The following MAPK10 variants were observed in gnomAD, a reference collection of about 807,000 sequenced individuals.
MAPK10 encodes mitogen-activated protein kinase 10.
A neutral mutation model predicts 59.3 loss-of-function variants in MAPK10; 25 were observed. The ratio of observed to expected loss-of-function variants is 0.42; its 90% CI spans 0.31 to 0.59. MAPK10 has a LOEUF of 0.59. Among genes scored for constraint, MAPK10 ranks in the 20% least tolerant of loss-of-function variants. The pLI, the probability that MAPK10 is intolerant of heterozygous loss-of-function variation, is 0.15. For synonymous variants in MAPK10, 190 were observed against 200.5 expected, an observed-to-expected ratio of 0.95 and a Z score of 0.44; for missense variants, 351 against 568.9, an observed-to-expected ratio of 0.62 and a Z score of 3.90.
At chr4:86,472,886 G>A (rs1396527030) in intron 1 of MAPK10, among the ~76,000 whole-genome samples, 1 of 152,166 alleles carries the variant, frequency 6.6e-6, no homozygotes, top group Non-Finnish European at 1.5e-5. Context: ...ACCCCAGGGA[G>A]AGGGTATTTA....
intron 3 of MAPK10, among the ~76,000 whole-genome samples, chr4:86,162,876 TG>T (rs1341481239): frequency 1.3e-5 from 2 of 152,218 alleles, no homozygotes; most frequent in East Asian, 3.9e-4. Context: ...CTCAACCACC[TG>T]GGGATGCACA....
chr4:86,169,322 T>A, intron 3 of MAPK10, among the ~76,000 whole-genome samples: 1 of 151,942 alleles, frequency 6.6e-6, no homozygotes, highest in East Asian at 1.9e-4. Flanking sequence ...TTGAAAAAAA[T>A]TTAGACGAAT....
chr4:86,580,319 C>T (rs904351713), intron 1 of MAPK10, among the ~76,000 whole-genome samples: 2 of 151,938 alleles, frequency 1.3e-5, no homozygotes, highest in Admixed American at 1.3e-4. Flanking sequence ...ATCAACATGG[C>T]AAAACCCCGC....
At chr4:86,160,937 A>T (rs1384530758) in intron 3 of MAPK10, among the ~76,000 whole-genome samples, 2 of 152,000 alleles carry the variant, frequency 1.3e-5, no homozygotes, top group Non-Finnish European at 2.9e-5. Flanking sequence ...TTTTCCCCAT[A>T]TTCACTTAGA....
At chr4:86,339,239 C>A (rs6852494) in intron 2 of MAPK10, among the ~76,000 whole-genome samples, 83,779 of 151,914 alleles carry the variant, frequency 0.55, 24,113 homozygotes, top group South Asian at 0.7. Flanking sequence ...CTAAGGGAGG[C>A]ATGCAGTGAC....
intron 1 of MAPK10, among the ~76,000 whole-genome samples, chr4:86,422,478 A>G (rs544878620): frequency 6.6e-6 from 1 of 152,348 alleles, no homozygotes; most frequent in African/African-American, 2.4e-5. Context: ...TCATTCCATT[A>G]TGCCAACAAA....
intron 11 of MAPK10, among the ~76,000 whole-genome samples, chr4:86,055,086 A>G (rs187844576): frequency 2.7e-4 from 41 of 152,336 alleles, no homozygotes; most frequent in Admixed American, 2.2e-3. Flanking sequence ...TTCTACTTCC[A>G]GGAAACAAAA....
chr4:86,359,480 AGAG>A (rs1163696240), intron 1 of MAPK10, among the ~76,000 whole-genome samples, 175 bp downstream of exon 1: 1 of 152,024 alleles, frequency 6.6e-6, no homozygotes, highest in African/African-American at 2.4e-5. Flanking sequence ...TGTTCTGCAC[AGAG>A]GGAAAAACTG....
intron 4 of MAPK10, among the ~76,000 whole-genome samples, chr4:86,108,584 C>T (rs1189054848): frequency 6.6e-6 from 1 of 152,098 alleles, no homozygotes; most frequent in Non-Finnish European, 1.5e-5. Flanking sequence ...AATACTCATT[C>T]CTCTCTAAAA....
intron 2 of MAPK10, among the ~76,000 whole-genome samples, chr4:86,338,730 C>T (rs1208486761): frequency 6.6e-6 from 1 of 152,128 alleles, no homozygotes; most frequent in Non-Finnish European, 1.5e-5. Context: ...GTTTATTATA[C>T]TGAAAAGTAC....
At chr4:86,093,575 C>G (rs2053648969) in intron 9 of MAPK10, among the ~76,000 whole-genome samples, 1 of 151,806 alleles carries the variant, frequency 6.6e-6, no homozygotes, top group Non-Finnish European at 1.5e-5. Flanking sequence ...TTCTAAAAGA[C>G]CACTGATATA....
intron 1 of MAPK10, among the ~76,000 whole-genome samples, chr4:86,488,255 T>C (rs991867892): frequency 2.6e-5 from 4 of 152,178 alleles, no homozygotes; most frequent in African/African-American, 9.7e-5. Flanking sequence ...CCACAGACAT[T>C]ATCCTTTTAT....
chr4:86,025,726 T>A (rs1749824444), intron 13 of MAPK10, among the ~76,000 whole-genome samples: 1 of 152,166 alleles, frequency 6.6e-6, no homozygotes, highest in Non-Finnish European at 1.5e-5. Flanking sequence ...TACCTTCAAC[T>A]TTACCTAAAA....
chr4:86,544,773 G>C (rs1188820576), intron 1 of MAPK10, among the ~76,000 whole-genome samples: 5 of 152,298 alleles, frequency 3.3e-5, no homozygotes, highest in East Asian at 3.9e-4. Flanking sequence ...AAGTTGTTAT[G>C]ATCAGATTGC....
chr4:86,216,295 C>CATATATATATATAT (rs10639041), intron 2 of MAPK10, among the ~76,000 whole-genome samples: 88 of 131,146 alleles, frequency 6.7e-4, no homozygotes, highest in African/African-American at 2.6e-3. Context: ...ATATATATAG[C>CATATATATATATAT]ATATATATAT....
intron 2 of MAPK10, among the ~76,000 whole-genome samples, chr4:86,282,910 T>A (rs1269401356): frequency 1.3e-5 from 2 of 152,198 alleles, no homozygotes; most frequent in East Asian, 3.8e-4. Context: ...GGTTTTATTT[T>A]ATATTTTGAT....
rs1448943680 is a variant in MAPK10, at chr4:86,153,994, T to G, written c.236+5304A>C. On this transcript the variant is annotated intron_variant, in intron 4 of 13. Coordinates refer to ENST00000641462, the MANE Select transcript of MAPK10 (RefSeq NM_138982.4). Reference sequence around the variant, plus strand: ...TACATGAGAGGATAATCATTTCCACTGGTCAGGGGCTAAATGGAAATGTGT... The same window carrying G: ...TACATGAGAGGATAATCATTTCCACGGGTCAGGGGCTAAATGGAAATGTGT... 2.0e-5 allele frequency among the ~76,000 whole-genome samples: 3 copies of G among 152,280 alleles called. No individual in the cohort carries two copies. The East Asian group carries it at 5.8e-4, about 29-fold the overall frequency.
intron 1 of MAPK10, among the ~76,000 whole-genome samples, chr4:86,372,713 A>G (rs1361813666): frequency 1.3e-5 from 2 of 152,206 alleles, no homozygotes; most frequent in Non-Finnish European, 2.9e-5. Flanking sequence ...TTTGAAACCA[A>G]TGAGAACAAA....
At chr4:86,103,861 C>T (rs2056037167) in intron 5 of MAPK10, among the ~76,000 whole-genome samples, 1 of 151,726 alleles carries the variant, frequency 6.6e-6, no homozygotes, top group Admixed American at 6.6e-5. Flanking sequence ...TTTTATATAT[C>T]AGCTAGTAAA....
Sources: allele counts gnomAD v4.1 joint callset (sites outside exome capture counted in the v4.1 genomes callset), GRCh38; gene constraint gnomAD v4.1.1; transcripts MANE v1.5; gene names NCBI Gene and HGNC (gene_info 2026-07-23, HGNC 2026-07-21).